DIAPH3: variants seen among roughly 807,000 people sequenced by gnomAD.
DIAPH3 encodes diaphanous related formin 3, also known as protein diaphanous homolog 3.
DIAPH3 carries 117 observed loss-of-function variants against 144.3 expected under a neutral mutation model. The observed-to-expected ratio is 0.81, with a 90% CI of 0.70 to 0.95. The LOEUF is 0.95. Ranked by LOEUF, DIAPH3 falls within the 40% of genes least tolerant of loss-of-function variation. The pLI is 0.00. For missense variants in DIAPH3, 1,421 were observed against 1,412.7 expected (o/e 1.01, Z -0.09); for synonymous variants, 519 against 488.9 (o/e 1.06, Z -0.81).
chr13:59,844,707 G>C (rs1488590352), intron 22 of DIAPH3, among the ~76,000 whole-genome samples: 1 of 152,026 alleles, frequency 6.6e-6, no homozygotes, highest in East Asian at 1.9e-4. Context: ...ACAAAACAGA[G>C]CCATCATCAA....
intron 23 of DIAPH3, chr13:59,838,527 G>A (rs1489034659): frequency 1.3e-5 from 2 of 151,810 alleles, no homozygotes; most frequent in African/African-American, 4.8e-5. Flanking sequence ...TATTTCTAAA[G>A]GAAATATTAA....
At chr13:60,028,933 C>T (rs2054582312) in intron 5 of DIAPH3, among the ~76,000 whole-genome samples, 1 of 151,944 alleles carries the variant, frequency 6.6e-6, no homozygotes, top group African/African-American at 2.4e-5. Flanking sequence ...GTGGCATGCG[C>T]CTGTAGTCCC....
intron 27 of DIAPH3, among the ~76,000 whole-genome samples, chr13:59,730,299 T>C (rs1020077030): frequency 2.0e-5 from 3 of 152,162 alleles, no homozygotes; most frequent in African/African-American, 7.2e-5. Flanking sequence ...TCTGGCAATA[T>C]TTTTTAGCTT....
intron 24 of DIAPH3, among the ~76,000 whole-genome samples, chr13:59,818,239 GA>G (rs574184172): frequency 1.3e-5 from 2 of 151,558 alleles, no homozygotes; most frequent in African/African-American, 2.4e-5. Context: ...TCCAGTCTCT[GA>G]AAAAAAATCT....
At chr13:59,675,989 G>A (rs1053208025) in intron 27 of DIAPH3, among the ~76,000 whole-genome samples, 1 of 152,150 alleles carries the variant, frequency 6.6e-6, no homozygotes, top group Non-Finnish European at 1.5e-5. Flanking sequence ...CCATTTCTAA[G>A]TCTCATCACA....
At chr13:59,985,559 T>C (rs1260622030) in intron 12 of DIAPH3, among the ~76,000 whole-genome samples, 1 of 64,430 alleles carries the variant, frequency 1.6e-5, no homozygotes, top group African/African-American at 6.9e-5. Flanking sequence ...GACATGATTG[T>C]TTATCTAGAA....
intron 25 of DIAPH3, among the ~76,000 whole-genome samples, chr13:59,782,308 T>A (rs888685821): frequency 6.6e-6 from 1 of 152,086 alleles, no homozygotes; most frequent in African/African-American, 2.4e-5. Flanking sequence ...GGATTAGTGG[T>A]GAGAGGGCAT....
intron 12 of DIAPH3, among the ~76,000 whole-genome samples, chr13:59,987,671 C>T (rs2051506718): frequency 6.6e-6 from 1 of 151,244 alleles, no homozygotes; most frequent in Admixed American, 6.6e-5. Context: ...TTAAAATATC[C>T]TAGTGCTTTT....
chr13:59,967,904 C>A (rs988794867), intron 17 of DIAPH3, among the ~76,000 whole-genome samples: 1 of 151,770 alleles, frequency 6.6e-6, no homozygotes, highest in African/African-American at 2.4e-5. Context: ...CATCTACTGT[C>A]ACAGAAAAAA....
chr13:60,086,331 C>T lies in DIAPH3; in HGVS notation c.495+7297G>A, dbSNP rs527272135. Among the ~76,000 whole-genome samples the T allele has an allele frequency of 4.6e-5, 7 of 152,166 alleles. No individual in the cohort carries two copies. In the South Asian group the frequency reaches 1.2e-3, roughly 27 times the overall value. ...CTGTTGGAAGATCATTTTAATTGTG[C>T]ATACATAAAACCTACCCTATATAGG... On this transcript the variant is annotated intron_variant, in intron 4 of 27. Transcript: ENST00000400324.
chr13:60,058,902 T>C (rs2056659337), intron 4 of DIAPH3, among the ~76,000 whole-genome samples: 1 of 151,886 alleles, frequency 6.6e-6, no homozygotes, highest in South Asian at 2.1e-4. Context: ...GGATGAAAAA[T>C]TACCTTTTGG....
intron 27 of DIAPH3, among the ~76,000 whole-genome samples, chr13:59,689,126 A>C (rs1452489859): frequency 1.3e-5 from 2 of 152,042 alleles, no homozygotes; most frequent in Non-Finnish European, 2.9e-5. Flanking sequence ...AGAATTTAGC[A>C]CCTTCTTTCT....
In DIAPH3 at chr13:60,094,664, A is replaced by G. The variant is rs939626896; in HGVS notation, c.391-932T>C. Among the ~76,000 whole-genome samples the G allele has an allele frequency of 1.3e-5, 2 of 152,228 alleles. 1 individual carries two copies. The highest frequency in any genetic ancestry group is 4.1e-4 in the South Asian group (2 of 4,834). ...TAAAATTCAGGACTTTGGATCACCT[A>G]TGGAGCCTAGCAAGTTAAATTTCTT... On this transcript the variant is annotated intron_variant, in intron 3 of 27. Coordinates refer to ENST00000400324, the MANE Select transcript of DIAPH3 (RefSeq NM_001042517.2).
chr13:60,123,079 C>T (rs553124794), intron 2 of DIAPH3, among the ~76,000 whole-genome samples: 6 of 152,274 alleles, frequency 3.9e-5, no homozygotes, highest in African/African-American at 1.4e-4. Flanking sequence ...CATGCTTCCA[C>T]TACGAATCCA....
intron 18 of DIAPH3, 108 bp downstream of exon 18, chr13:59,924,667 A>G (rs553370115): frequency 6.8e-7 from 1 of 1,469,434 alleles, no homozygotes; most frequent in Non-Finnish European, 9.1e-7. Flanking sequence ...CATGCATATA[A>G]TAACAAAATG....
chr13:59,892,710 T>C (rs1043330358), intron 20 of DIAPH3, among the ~76,000 whole-genome samples: 3 of 151,346 alleles, frequency 2.0e-5, no homozygotes, highest in African/African-American at 7.3e-5. Context: ...CAAAAGAAGG[T>C]AGAAAAAGAG....
chr13:60,010,637 C>T lies in DIAPH3; in HGVS notation c.804G>A (p.Arg268=), dbSNP rs372225051. The T allele has an allele frequency of 3.1e-6, 5 of 1,613,546 alleles. No homozygotes were observed. The African/African-American group carries it at 5.3e-5, about 17-fold the overall frequency. ...YGLERIMSEE[R]SLSLLAKAVD... ...CGGCTTTGGCCAATAAGGAAAGGCT[C>T]CTCTCCTCACTCATAATTCTTTCCA... is the stretch of plus-strand genomic sequence containing the variant. Residue 268 remains arginine (R), a synonymous_variant, in exon 8 of 28, where the codon AGG becomes AGA. Transcript: ENST00000400324.
At chr13:59,780,512 C>T (rs1296762243) in intron 25 of DIAPH3, among the ~76,000 whole-genome samples, 5 of 152,148 alleles carry the variant, frequency 3.3e-5, no homozygotes, top group Admixed American at 3.3e-4. Context: ...AGTTTCTCCC[C>T]TGCTGTGAAA....
intron 4 of DIAPH3, among the ~76,000 whole-genome samples, chr13:60,075,858 T>C (rs1170449533): frequency 1.3e-5 from 2 of 152,244 alleles, no homozygotes; most frequent in Non-Finnish European, 2.9e-5. Context: ...GTCCTCCAGA[T>C]GTAGCTGATA....
Sources: allele counts gnomAD v4.1 joint callset (sites outside exome capture counted in the v4.1 genomes callset), GRCh38; gene constraint gnomAD v4.1.1; transcripts MANE v1.5; gene names NCBI Gene and HGNC (gene_info 2026-07-23, HGNC 2026-07-21).